The following UBE2W variants were observed in gnomAD, a reference collection of about 807,000 sequenced individuals.
UBE2W encodes ubiquitin-conjugating enzyme E2 W.
UBE2W carries 18 observed loss-of-function variants against 27.2 expected under a neutral mutation model. The observed-to-expected ratio is 0.66, with a 90% CI of 0.46 to 0.98. The LOEUF (loss-of-function observed/expected upper bound fraction) is 0.98. Ranked by LOEUF, UBE2W falls within the 50% of genes least tolerant of loss-of-function variation. The pLI, the probability that UBE2W is intolerant of heterozygous loss-of-function variation, is 0.00. For synonymous variants in UBE2W, 53 were observed against 57.2 expected, an observed-to-expected ratio of 0.93 and a Z score of 0.33; for missense variants, 90 against 180.2, an observed-to-expected ratio of 0.50 and a Z score of 2.87.
At chr8:73,854,946 T>G (rs2130957686) in intron 1 of UBE2W, among the ~76,000 whole-genome samples, 1 of 152,368 alleles carries the variant, frequency 6.6e-6, no homozygotes. Context: ...GAAAATACAT[T>G]TACAGCACTG....
At chr8:73,833,187 A>C (rs1299401947) in intron 1 of UBE2W, among the ~76,000 whole-genome samples, 1 of 149,020 alleles carries the variant, frequency 6.7e-6, no homozygotes, top group Non-Finnish European at 1.5e-5. Flanking sequence ...TCCACCTCAA[A>C]AAAAAAAAAA....
rs1022542989 is a variant in UBE2W, at chr8:73,788,662, C to G, written c.*5440G>C. 3.0e-6 allele frequency: 3 copies of G among 985,364 alleles called. No homozygotes were observed. Among genetic ancestry groups the G allele is most frequent in the Middle Eastern group, 5.2e-4 (1 of 1,914 alleles). 61.0% of individuals were successfully genotyped at this position (985,364 alleles called of 1,614,324 possible). On this transcript the variant is annotated 3_prime_UTR_variant, in exon 6 of 6. Coordinates refer to ENST00000602593, the MANE Select transcript of UBE2W (RefSeq NM_018299.6). ...AGGATTATTAAATCTTTCCATACAC[C>G]AGAAAATCTGACAAGTGATGTCATT...
rs1225478720 is a variant in UBE2W at position 73,847,554 on chromosome 8, A to G, written c.16-17082T>C. On this transcript the variant is annotated intron_variant, in intron 1 of 5. Coordinates refer to ENST00000602593, the MANE Select transcript of UBE2W (RefSeq NM_018299.6). ...AGGAGGATGTTTGTAGCAGCATTAT[A>G]TGTGACCAGGCCCAAACAAGAAAAA... 2.6e-5 allele frequency among the ~76,000 whole-genome samples: 4 copies of G among 152,334 alleles called. No homozygotes were observed. In the East Asian group the frequency reaches 7.7e-4, roughly 29 times the overall value.
chr8:73,855,394 C>CTTT (rs66577299), intron 1 of UBE2W, among the ~76,000 whole-genome samples: 1,861 of 84,636 alleles, frequency 0.022, 105 homozygotes, highest in African/African-American at 0.073. Context: ...ATTCTACTTT[C>CTTT]TTTTTTTTTT....
intron 1 of UBE2W, among the ~76,000 whole-genome samples, chr8:73,841,674 C>A (rs942672607): frequency 6.6e-5 from 10 of 152,146 alleles, no homozygotes; most frequent in Non-Finnish European, 1.3e-4. Context: ...TTTTCCAGCA[C>A]AATGGCAGAG....
chr8:73,852,293 T>C (rs574775760), intron 1 of UBE2W, among the ~76,000 whole-genome samples: 145 of 152,312 alleles, frequency 9.5e-4, no homozygotes, highest in African/African-American at 3.3e-3. Context: ...TGTATGTACA[T>C]GTACCTTAAA....
rs1038219799 is a variant in UBE2W at position 73,841,291 on chromosome 8, A to AT, written c.16-10820dup. On this transcript the variant is annotated intron_variant, in intron 1 of 5. Coordinates refer to ENST00000602593, the MANE Select transcript of UBE2W (RefSeq NM_018299.6). ...TGTGAGGCAATGTATTAAATTTACT[A>AT]TTTTTTTTTTAAAACAGAACTAAAC... Among the ~76,000 whole-genome samples the AT allele has an allele frequency of 1.9e-3, 286 of 150,406 alleles. 1 individual carries two copies. Among genetic ancestry groups the AT allele is most frequent in the African/African-American group, 5.6e-3 (232 of 41,134 alleles).
intron 1 of UBE2W, among the ~76,000 whole-genome samples, chr8:73,842,259 T>C (rs1376129244): frequency 6.6e-6 from 1 of 152,058 alleles, no homozygotes; most frequent in African/African-American, 2.4e-5. Context: ...CCGGGCACAG[T>C]GGCTCACACC....
Position 73,870,278 on chromosome 8 carries a change from T to C in UBE2W, c.15+8530A>G, listed in dbSNP as rs1161713378. The C allele has an allele frequency of 3.8e-6, 6 of 1,587,688 alleles. No homozygotes were observed. In the South Asian group the frequency reaches 6.9e-5, roughly 18 times the overall value. ...AAAAACACACACTTACTGGAAACCA[T>C]ACTTCCACCCTCCTTCCTGTGGTCT... On this transcript the variant is annotated intron_variant, in intron 1 of 5. Coordinates refer to ENST00000602593, the MANE Select transcript of UBE2W (RefSeq NM_018299.6).
chr8:73,867,782 G>T (rs1811843109), intron 1 of UBE2W, among the ~76,000 whole-genome samples: 1 of 151,266 alleles, frequency 6.6e-6, no homozygotes. Context: ...ATACCAATAT[G>T]CACAAGAAAA....
rs183706141 is a variant in UBE2W at position 73,781,055 on chromosome 8, A to T, written c.430-538T>A. Among the ~76,000 whole-genome samples the T allele has an allele frequency of 2.5e-3, 385 of 151,722 alleles. 2 individuals carry two copies. Among genetic ancestry groups the T allele is most frequent in the African/African-American group, 8.8e-3 (366 of 41,434 alleles). On this transcript the variant is annotated intron_variant, in intron 4 of 4. Transcript: ENST00000523278. ...GAGGCCGAGGCAGTTGGATCTCTTG[A>T]GGTCAGGAGTTCAAGACCAGCCTGG... is the stretch of plus-strand genomic sequence containing the variant.
chr8:73,866,818 G>A (rs1276019696), intron 1 of UBE2W, among the ~76,000 whole-genome samples: 2 of 152,010 alleles, frequency 1.3e-5, no homozygotes, highest in African/African-American at 4.8e-5. Flanking sequence ...GGGAGGCAGA[G>A]GTGGGCAGAT....
In UBE2W at chr8:73,790,130, A is replaced by G; in HGVS notation, c.*3972T>C. 3 of 985,228 alleles carry G rather than the reference A, an allele frequency of 3.0e-6. No individual in the cohort carries two copies. Among genetic ancestry groups the G allele is most frequent in the South Asian group, 4.7e-5 (1 of 21,282 alleles). 61.0% of individuals were successfully genotyped at this position (985,228 alleles called of 1,614,324 possible). On this transcript the variant is annotated 3_prime_UTR_variant, in exon 6 of 6. Coordinates refer to ENST00000602593, the MANE Select transcript of UBE2W (RefSeq NM_018299.6). ...GTAGGAGAGCATTTTAAATTTTTCA[A>G]AAATTCATGGCATAATTTTAATAAT...
intron 1 of UBE2W, among the ~76,000 whole-genome samples, chr8:73,845,569 C>A (rs1009406125): frequency 6.6e-6 from 1 of 151,990 alleles, no homozygotes; most frequent in South Asian, 2.1e-4. Flanking sequence ...ACAAACATTG[C>A]GGAAGGCGGC....
At chr8:73,801,953 A>G (rs1304423236) in intron 5 of UBE2W, among the ~76,000 whole-genome samples, 1 of 152,228 alleles carries the variant, frequency 6.6e-6, no homozygotes, top group Non-Finnish European at 1.5e-5. Context: ...AAGAGCTCCT[A>G]AGAAGAGAGG....
intron 3 of UBE2W, among the ~76,000 whole-genome samples, chr8:73,822,602 C>CAAAAAAAAGAAAAA (rs1809662051): frequency 2.0e-5 from 1 of 51,216 alleles, no homozygotes; most frequent in African/African-American, 6.1e-5. Flanking sequence ...CTTGCAACTG[C>CAAAAAAAAGAAAAA]AAAAAAAAAA....
intron 1 of UBE2W, among the ~76,000 whole-genome samples, chr8:73,873,043 T>C (rs952795384): frequency 6.6e-6 from 1 of 151,972 alleles, no homozygotes; most frequent in African/African-American, 2.4e-5. Context: ...ATAACTGGGA[T>C]TACAGATGCG....
chr8:73,838,031 T>C (rs994632909), intron 1 of UBE2W, among the ~76,000 whole-genome samples: 1 of 152,188 alleles, frequency 6.6e-6, no homozygotes, highest in African/African-American at 2.4e-5. Context: ...CTCTAGCCCT[T>C]ACCTTGTGTT....
chr8:73,839,024 C>T (rs563294654), intron 1 of UBE2W, among the ~76,000 whole-genome samples: 2 of 152,252 alleles, frequency 1.3e-5, no homozygotes, highest in South Asian at 4.1e-4. Flanking sequence ...CCACTCCAAC[C>T]CTGTGGAGTG....
Sources: gnomAD v4.1 joint callset for allele counts (sites outside exome capture counted in the v4.1 genomes callset) on GRCh38, gnomAD v4.1.1 for gene constraint, MANE v1.5 for transcripts, NCBI Gene and HGNC (gene_info 2026-07-23, HGNC 2026-07-21) for gene names.